Variants in TRIO observed in about 807,000 individuals in gnomAD.
The protein encoded by TRIO is trio Rho guanine nucleotide exchange factor.
In TRIO, 58 loss-of-function variants were observed where a neutral mutation model predicts 351.9. The observed-to-expected ratio is 0.16, with a 90% CI of 0.13 to 0.21. TRIO has a LOEUF of 0.21. TRIO is among the 10% of genes least tolerant of loss of function. The pLI is 1.00. For missense variants in TRIO, 3,201 were observed against 4,027.8 expected, an observed-to-expected ratio of 0.79 and a Z score of 5.56; for synonymous variants, 1,758 against 1,595.7, an observed-to-expected ratio of 1.10 and a Z score of -2.42.
chr5:14,326,302 A>G (rs767663155), intron 9 of TRIO, among the ~76,000 whole-genome samples: 17 of 152,198 alleles, frequency 1.1e-4, no homozygotes, highest in Admixed American at 3.9e-4. Context: ...CAGTCTTGCA[A>G]TTAGGACCTT....
In TRIO at chr5:14,358,345, C is replaced by T. The variant is rs1743826407; in HGVS notation, c.2214C>T (p.Leu738=). 1 of 1,614,038 alleles carries T rather than the reference C, an allele frequency of 6.2e-7. No individual in the cohort carries two copies. The highest frequency in any genetic ancestry group is 1.7e-5 in the Admixed American group (1 of 60,016). The part of the protein sequence containing the change: ...IKEGEDLIQQ[L]RDSAISSNKT... The stretch of plus-strand genomic sequence containing the variant: ...AAGGGGAGGACCTCATCCAGCAGCT[C>T]AGGTGGGCCTCACCCCTCTCCTGGT... The change falls in exon 12 of 57, where the codon CTC becomes CTT. Residue 738 remains leucine (L), a splice_region_variant and synonymous_variant. Transcript: ENST00000344204.
chr5:14,427,281 C>G (rs1264293809), intron 34 of TRIO, among the ~76,000 whole-genome samples: 2 of 152,272 alleles, frequency 1.3e-5, no homozygotes. Flanking sequence ...CCATCCTTCC[C>G]CCTGTGCAGA....
intron 1 of TRIO, among the ~76,000 whole-genome samples, chr5:14,160,885 C>T (rs1053278661): frequency 1.3e-5 from 2 of 152,174 alleles, no homozygotes; most frequent in Non-Finnish European, 2.9e-5. Flanking sequence ...ACTTTGTAAC[C>T]AAGGCCACAT....
At chr5:14,367,300 A>G (rs966720318) in intron 16 of TRIO, among the ~76,000 whole-genome samples, 11 of 152,166 alleles carry the variant, frequency 7.2e-5, no homozygotes, top group African/African-American at 2.4e-4. Context: ...CTCATCTGGA[A>G]TGGCTCAGAA....
intron 1 of TRIO, among the ~76,000 whole-genome samples, chr5:14,178,574 T>C (rs1182859174): frequency 6.6e-6 from 1 of 152,202 alleles, no homozygotes; most frequent in Non-Finnish European, 1.5e-5. Context: ...ATAATTATTC[T>C]AGAACAGTAG....
At position 14,508,502 on chromosome 5, in the gene TRIO, C is replaced by A; in HGVS notation, c.*80C>A. ...GAATTTTCAAGAGAAAACAAGCAAA[C>A]ATAACTGATCAGCTGCCGGTATGTT... On this transcript the variant is annotated 3_prime_UTR_variant, in exon 57 of 57. Coordinates refer to ENST00000344204, the MANE Select transcript of TRIO (RefSeq NM_007118.4). 1 of 1,480,536 alleles carries A rather than the reference C, an allele frequency of 6.8e-7. No individual in the cohort carries two copies. Among genetic ancestry groups the A allele is most frequent in the Non-Finnish European group, 9.1e-7 (1 of 1,098,230 alleles). The allele number at this position is 1,480,536 out of a possible 1,614,324, so 91.7% of individuals were successfully genotyped here.
chr5:14,391,193 C>T (rs1021144095), intron 27 of TRIO, among the ~76,000 whole-genome samples: 1 of 152,060 alleles, frequency 6.6e-6, no homozygotes, highest in Non-Finnish European at 1.5e-5. Flanking sequence ...ATACTGGAAG[C>T]CTTATATCTG....
At chr5:14,502,480 C>A in intron 53 of TRIO, 99 bp from the exon 54 acceptor site, 3 of 1,189,476 alleles carry the variant, frequency 2.5e-6, no homozygotes, top group Non-Finnish European at 3.7e-6. Flanking sequence ...TGCCCGGTGG[C>A]CACGCGCAGC....
rs118151443 is a variant in TRIO at position 14,441,837 on chromosome 5, A to G, written c.5204-19182A>G. ...TACAGCCATATGATAAGATAATACA[A>G]AGTTAGCTGGGGAGAGGGATGCTTC... On this transcript the variant is annotated intron_variant, in intron 34 of 56. Transcript: ENST00000344204. 2.7e-4 allele frequency among the ~76,000 whole-genome samples: 41 copies of G among 152,284 alleles called. 2 individuals are homozygous for G. In the East Asian group the frequency reaches 4.8e-3, roughly 18 times the overall value.
intron 1 of TRIO, among the ~76,000 whole-genome samples, chr5:14,242,699 C>T (rs1009981302): frequency 6.6e-6 from 1 of 152,176 alleles, no homozygotes; most frequent in African/African-American, 2.4e-5. Flanking sequence ...CTCAGCCTCC[C>T]GAGTAGCTGG....
chr5:14,448,440 T>C (rs2126408177), intron 34 of TRIO, among the ~76,000 whole-genome samples: 1 of 152,354 alleles, frequency 6.6e-6, no homozygotes, highest in East Asian at 1.9e-4. Flanking sequence ...GACGTGGCCT[T>C]ATGCCTGTTG....
At chr5:14,404,165 T>C (rs1275440130) in intron 31 of TRIO, among the ~76,000 whole-genome samples, 1 of 151,816 alleles carries the variant, frequency 6.6e-6, no homozygotes, top group African/African-American at 2.4e-5. Context: ...GAGAACGTGA[T>C]GGGAATGGTG....
intron 1 of TRIO, among the ~76,000 whole-genome samples, chr5:14,159,725 G>A (rs1018476906): frequency 6.6e-6 from 1 of 152,084 alleles, no homozygotes; most frequent in Non-Finnish European, 1.5e-5. Flanking sequence ...ACCACACCCA[G>A]CTCATTTATT....
At chr5:14,424,234 T>G (rs1750443303) in intron 34 of TRIO, among the ~76,000 whole-genome samples, 1 of 152,116 alleles carries the variant, frequency 6.6e-6, no homozygotes, top group Non-Finnish European at 1.5e-5. Context: ...GAAGGCTTTA[T>G]GAGCAAAGGC....
intron 2 of TRIO, 91 bp downstream of exon 2, chr5:14,270,990 A>G (rs1470681156): frequency 4.5e-6 from 4 of 890,668 alleles, no homozygotes; most frequent in Admixed American, 4.8e-5. Flanking sequence ...GCCACAACAT[A>G]TAAAAACATT....
intron 1 of TRIO, among the ~76,000 whole-genome samples, chr5:14,236,567 A>G (rs1476353702): frequency 6.6e-6 from 1 of 151,974 alleles, no homozygotes; most frequent in Non-Finnish European, 1.5e-5. Context: ...TTAGGAGAGA[A>G]GAAGTAATCA....
intron 1 of TRIO, among the ~76,000 whole-genome samples, chr5:14,249,806 G>A (rs1050584747): frequency 6.6e-6 from 1 of 152,212 alleles, no homozygotes; most frequent in Non-Finnish European, 1.5e-5. Flanking sequence ...CTGACACCCA[G>A]AGCAGCTTCA....
chr5:14,479,372 GA>G (rs778366748), intron 42 of TRIO, 22 bp downstream of exon 42: 3 of 1,565,890 alleles, frequency 1.9e-6, no homozygotes, highest in Non-Finnish European at 2.6e-6. Context: ...GATACAAACA[GA>G]AAGTATTTCT....
At chr5:14,392,342 A>C (rs1382428267) in intron 27 of TRIO, among the ~76,000 whole-genome samples, 1 of 152,234 alleles carries the variant, frequency 6.6e-6, no homozygotes, top group Non-Finnish European at 1.5e-5. Context: ...ACTCATCATC[A>C]CTGGTCATTA....
Sources: gnomAD v4.1 joint callset for allele counts (sites outside exome capture counted in the v4.1 genomes callset) on GRCh38, gnomAD v4.1.1 for gene constraint, MANE v1.5 for transcripts, NCBI Gene and HGNC (gene_info 2026-07-23, HGNC 2026-07-21) for gene names.